Variants in TRIM52 observed in about 807,000 individuals in gnomAD.
TRIM52 encodes the protein E3 ubiquitin-protein ligase TRIM52.
A neutral mutation model predicts 27.0 loss-of-function variants in TRIM52; 24 were observed. The observed-to-expected ratio is 0.89, with a 90% CI of 0.64 to 1.25. TRIM52 has a LOEUF of 1.25. TRIM52 is among the 50% of genes most tolerant of loss of function. The pLI, the probability that TRIM52 is intolerant of heterozygous loss-of-function variation, is 0.00. For synonymous variants in TRIM52, 125 were observed against 126.5 expected, an observed-to-expected ratio of 0.99 and a Z score of 0.08; for missense variants, 351 against 354.7, an observed-to-expected ratio of 0.99 and a Z score of 0.08.
rs1759968384 is a variant in TRIM52 at position 181,260,074 on chromosome 5, A to G, written c.740T>C (p.Val247Ala). Residue 247 changes from valine to alanine, a missense_variant, in exon 1 of 2, where the codon GTG becomes GCG. By Grantham distance (64) the Val-to-Ala change is moderately conservative (BLOSUM62 0). Coordinates refer to ENST00000688015, the MANE Select transcript of TRIM52 (RefSeq NM_001346048.2). This position sits in a 1 kb window ranked among gnomAD's most constrained non-coding sequence, Gnocchi z 4.4. ...GTGGCTCCTGGATTCTCGGCACACC[A>G]CACAGATGGCCTCTTTGTCCACCTC... ...FCEVDKEAIC[V>A]VCRESRSHKQ... 2 of 1,613,988 alleles carry G rather than the reference A, an allele frequency of 1.2e-6. No individual in the cohort carries two copies. The highest frequency in any genetic ancestry group is 1.3e-5 in the African/African-American group (1 of 74,896).
chr5:181,257,243 A>G (rs1015340144), intron 1 of TRIM52: 30 of 1,288,564 alleles, frequency 2.3e-5, no homozygotes, highest in Non-Finnish European at 3.0e-5. Flanking sequence ...AAGATGTAAA[A>G]TAAGTAAGGC....
chr5:181,260,989 C>T lies in TRIM52; in HGVS notation c.-176G>A. On this transcript the variant is annotated 5_prime_UTR_variant, in exon 1 of 2. Coordinates refer to ENST00000688015, the MANE Select transcript of TRIM52 (RefSeq NM_001346048.2). This position sits in a 1 kb window ranked among gnomAD's most constrained non-coding sequence, Gnocchi z 4.4. Reference sequence around the variant, plus strand: ...TCTCTCAGGGTGCGAACGCCCAGATCCAGACTCACAGCCTCTCTCTGGGAT... The same window carrying T: ...TCTCTCAGGGTGCGAACGCCCAGATTCAGACTCACAGCCTCTCTCTGGGAT... 1.1e-6 allele frequency: 1 copy of T among 877,258 alleles called. No homozygotes were observed. The highest frequency in any genetic ancestry group is 1.7e-6 in the Non-Finnish European group (1 of 594,992). 54.3% of individuals were successfully genotyped at this position (877,258 alleles called of 1,614,324 possible). A position where few individuals can be genotyped will look rare whatever the true frequency, so the allele number is the denominator to read the frequency against.
In TRIM52 at chr5:181,260,697, G is replaced by T; in HGVS notation, c.117C>A (p.Phe39Leu). The change falls in exon 1 of 2, where the codon TTC becomes TTA. Residue 39 changes from phenylalanine to leucine, a missense_variant. Phe to Leu is a conservative substitution (Grantham distance 22). Transcript: ENST00000688015. The surrounding 1 kb of genome is among the most constrained non-coding windows in gnomAD (Gnocchi z 4.4). Reference sequence around the variant, plus strand: ...ACAGCTGGGTCACACACCCTCGGCAGAAGTTGTGCCCACAGCTGATGGACA... The same window carrying T: ...ACAGCTGGGTCACACACCCTCGGCATAAGTTGTGCCCACAGCTGATGGACA... ...DPVSISCGHN[F>L]CRGCVTQLWS... The T allele has an allele frequency of 6.2e-7, 1 of 1,614,074 alleles. No homozygotes were observed. Among genetic ancestry groups the T allele is most frequent in the Non-Finnish European group, 8.5e-7 (1 of 1,180,030 alleles).
At chr5:181,258,096 A>G (rs898700556) in intron 1 of TRIM52, 4 of 151,960 alleles carry the variant, frequency 2.6e-5, no homozygotes, top group Non-Finnish European at 4.4e-5. Context: ...TGATGATAAA[A>G]GTTAGCTGAG....
chr5:181,253,262 C>T (rs796446559), downstream of TRIM52, among the ~76,000 whole-genome samples: 5 of 141,520 alleles, frequency 3.5e-5, 1 homozygote, highest in African/African-American at 1.2e-4. Flanking sequence ...CTGGAACTCC[C>T]GACCTCAGGT....
In TRIM52 at chr5:181,255,697, G is replaced by A. The variant is rs967154635; in HGVS notation, c.*1112C>T. On this transcript the variant is annotated 3_prime_UTR_variant, in exon 2 of 2. Transcript: ENST00000688015. ...ATACATACATTTGCTATATTTTTATGGTTGTATTTTTGGCAAGTTTTGTTT... is the reference window on the plus strand; with the variant it reads ...ATACATACATTTGCTATATTTTTATAGTTGTATTTTTGGCAAGTTTTGTTT... The A allele has an allele frequency of 3.3e-5, 5 of 152,124 alleles. No individual in the cohort carries two copies. Among genetic ancestry groups the A allele is most frequent in the African/African-American group, 1.2e-4 (5 of 41,422 alleles). 9.4% of individuals were successfully genotyped at this position (152,124 alleles called of 1,614,324 possible). A position where few individuals can be genotyped will look rare whatever the true frequency, so the allele number is the denominator to read the frequency against.
chr5:181,255,052 A>C (rs572671369), downstream of TRIM52: 70 of 152,322 alleles, frequency 4.6e-4, no homozygotes, highest in African/African-American at 1.6e-3. Flanking sequence ...TGTAACCCAC[A>C]CTTCTACTTT....
intron 1 of TRIM52, chr5:181,258,678 CTGTGTT>C (rs1276907069): frequency 1.3e-5 from 2 of 152,008 alleles, no homozygotes; most frequent in Non-Finnish European, 2.9e-5. Context: ...GGACAGTGCT[CTGTGTT>C]TGTGTTTTGA....
Position 181,260,150 on chromosome 5 carries a change from T to C in TRIM52, c.664A>G (p.Asn222Asp). ...CPTPYRGNRS[N>D]DQGMCFKHQE... ...TGTTTAAAGCACATGCCCTGATCAT[T>C]ACTCCGGTTTCCCCGATAAGGAGTG... Residue 222 changes from asparagine (N) to aspartate (D), a missense_variant, in exon 1 of 2, where the codon AAT (asparagine) becomes GAT (aspartate). Transcript: ENST00000688015. This position sits in a 1 kb window ranked among gnomAD's most constrained non-coding sequence, Gnocchi z 4.4. 1 of 1,614,220 alleles carries C rather than the reference T, an allele frequency of 6.2e-7. No individual in the cohort carries two copies. The highest frequency in any genetic ancestry group is 8.5e-7 in the Non-Finnish European group (1 of 1,180,048).
At chr5:181,255,135 T>A (rs1251410167), downstream of TRIM52, 1 of 152,226 alleles carries the variant, frequency 6.6e-6, no homozygotes, top group Non-Finnish European at 1.5e-5. Context: ...TTGAAATTAA[T>A]GAAAGCAGTA....
At chr5:181,257,163 ACTTT>A in intron 1 of TRIM52, 1 of 1,163,240 alleles carries the variant, frequency 8.6e-7, no homozygotes, top group Non-Finnish European at 1.1e-6. Context: ...AAATGATCTT[ACTTT>A]CATAATTCTT....
At chr5:181,257,583 A>T in intron 1 of TRIM52, 1 of 1,072,564 alleles carries the variant, frequency 9.3e-7, no homozygotes, top group Non-Finnish European at 1.3e-6. Flanking sequence ...ATTATACAAA[A>T]ATAGTTCCTT....
In TRIM52 at chr5:181,256,396, T is replaced by C. The variant is rs1267368807; in HGVS notation, c.*413A>G. 1 of 149,518 alleles carries C rather than the reference T, an allele frequency of 6.7e-6. No homozygotes were observed. The highest frequency in any genetic ancestry group is 1.5e-5 in the Non-Finnish European group (1 of 67,442). The allele number at this position is 149,518 out of a possible 1,614,324, so 9.3% of individuals were successfully genotyped here. A position where few individuals can be genotyped will look rare whatever the true frequency, so the allele number is the denominator to read the frequency against. ...ATTTTTTTTTTTTTTTGAGATGGAG[T>C]CTTGCTCTATTGCCCAGGCTGGAGT... On this transcript the variant is annotated 3_prime_UTR_variant, in exon 2 of 2. Transcript: ENST00000688015.
chr5:181,259,948 C>T, intron 1 of TRIM52, 53 bp downstream of exon 1: 1 of 1,611,974 alleles, frequency 6.2e-7, no homozygotes, highest in Non-Finnish European at 8.5e-7. Flanking sequence ...CCTCAGCTCT[C>T]CTAGTTACCT....
At chr5:181,249,487 AAC>A (rs1759589732), downstream of TRIM52, among the ~76,000 whole-genome samples, 1 of 152,108 alleles carries the variant, frequency 6.6e-6, no homozygotes, top group Non-Finnish European at 1.5e-5. Context: ...GTTCAAGACC[AAC>A]ACAGTGAGAC....
Position 181,260,141 on chromosome 5 carries a change from C to T in TRIM52, c.673G>A (p.Gly225Ser), listed in dbSNP as rs1489693147. Residue 225 changes from glycine (G) to serine (S), a missense_variant, in exon 1 of 2, where the codon GGC becomes AGC. Coordinates refer to ENST00000688015, the MANE Select transcript of TRIM52 (RefSeq NM_001346048.2). The surrounding 1 kb of genome is among the most constrained non-coding windows in gnomAD (Gnocchi z 4.4). ...GCTTCCTGGTGTTTAAAGCACATGC[C>T]CTGATCATTACTCCGGTTTCCCCGA... is the stretch of plus-strand genomic sequence containing the variant. Reference protein sequence around the residue: ...PYRGNRSNDQGMCFKHQEALK... With the variant: ...PYRGNRSNDQSMCFKHQEALK... The T allele has an allele frequency of 6.2e-7, 1 of 1,614,182 alleles. No homozygotes were observed. The highest frequency in any genetic ancestry group is 1.7e-5 in the Admixed American group (1 of 60,016).
downstream of TRIM52, among the ~76,000 whole-genome samples, chr5:181,252,084 G>A (rs961888712): frequency 1.1e-4 from 16 of 152,090 alleles, no homozygotes; most frequent in Admixed American, 7.9e-4. Context: ...CTCGTCACCC[G>A]TGTGATCCAC....
At chr5:181,258,490 C>T (rs551487055) in intron 1 of TRIM52, 5 of 152,244 alleles carry the variant, frequency 3.3e-5, no homozygotes, top group African/African-American at 1.2e-4. Context: ...CCATGGGATA[C>T]TTTAGTTATC....
intron 1 of TRIM52, chr5:181,257,760 G>C: frequency 4.8e-6 from 1 of 209,532 alleles, no homozygotes; most frequent in South Asian, 8.6e-5. Flanking sequence ...GGGAGGCCGA[G>C]GCGGGGGGAT....
Sources: allele counts gnomAD v4.1 joint callset (sites outside exome capture counted in the v4.1 genomes callset), GRCh38; gene constraint gnomAD v4.1.1; non-coding constraint Gnocchi (gnomAD v3.1); transcripts MANE v1.5; gene names NCBI Gene and HGNC (gene_info 2026-07-23, HGNC 2026-07-21).